STRA8: variants seen among roughly 807,000 people sequenced by gnomAD.
STRA8 encodes the protein stimulated by retinoic acid gene 8 protein homolog.
In STRA8, 18 loss-of-function variants were observed where a neutral mutation model predicts 37.1. The ratio of observed to expected loss-of-function variants is 0.48; its 90% CI spans 0.34 to 0.72. The LOEUF is 0.72. Among genes scored for constraint, STRA8 ranks in the 30% least tolerant of loss-of-function variants. The pLI, the probability that STRA8 is intolerant of heterozygous loss-of-function variation, is 0.01. For synonymous variants in STRA8, 168 were observed against 162.9 expected (o/e 1.03, Z -0.24); for missense variants, 357 against 410.4 (o/e 0.87, Z 1.13).
Position 135,246,566 on chromosome 7 carries a change from C to T in STRA8, c.743C>T (p.Ala248Val). 5 of 1,558,750 alleles carry T rather than the reference C, an allele frequency of 3.2e-6. No homozygotes were observed. The highest frequency in any genetic ancestry group is 4.3e-6 in the Non-Finnish European group (5 of 1,152,466). The change falls in exon 6 of 9, where the codon GCC becomes GTC. Residue 248 changes from alanine (A) to valine (V), a missense_variant. Physicochemically the swap from Ala to Val is moderately conservative, Grantham distance 64. Coordinates refer to ENST00000662584, the MANE Select transcript of STRA8 (RefSeq NM_001394401.1). The surrounding 1 kb of genome is among the most constrained non-coding windows in gnomAD (Gnocchi z 5.4). ...GAGAGGAAGGCCAGCCTCCGGCAGG[C>T]CTGGGCGCAGAAGCACCGCGGCCCT... ...SEERKASLRQ[A>V]WAQKHRGPAT...
chr7:135,251,178 C>G (rs1219775533), intron 6 of STRA8, among the ~76,000 whole-genome samples: 2 of 152,182 alleles, frequency 1.3e-5, no homozygotes, highest in Non-Finnish European at 2.9e-5. Context: ...GGATAATGTT[C>G]AAATGTAACT....
chr7:135,236,356 GC>G (rs1832379140), intron 1 of STRA8, among the ~76,000 whole-genome samples: 1 of 151,954 alleles, frequency 6.6e-6, no homozygotes, highest in Non-Finnish European at 1.5e-5. Context: ...AGGTTGGTTA[GC>G]CTGAAGATGT....
At chr7:135,243,620 T>C (rs1008791607) in intron 4 of STRA8, among the ~76,000 whole-genome samples, 3 of 152,206 alleles carry the variant, frequency 2.0e-5, no homozygotes, top group Non-Finnish European at 4.4e-5. Flanking sequence ...AAAAGATACA[T>C]GCTTATCACA....
rs1585474738 is a variant in STRA8 at position 135,246,304 on chromosome 7, G to A, written c.594-113G>A. The A allele has an allele frequency of 1.4e-6, 2 of 1,396,100 alleles. No homozygotes were observed. The highest frequency in any genetic ancestry group is 2.0e-6 in the Non-Finnish European group (2 of 1,011,456). The allele number at this position is 1,396,100 out of a possible 1,614,324, so 86.5% of individuals were successfully genotyped here. On this transcript the variant is annotated intron_variant, in intron 5 of 8. Transcript: ENST00000662584. This position sits in a 1 kb window ranked among gnomAD's most constrained non-coding sequence, Gnocchi z 5.4. Reference sequence around the variant, plus strand: ...GAGTCTGAGAAGTCTCAGCCCTGGTGAGCCGTGGCGCCGTGGCCGGGCCTG... The same window carrying A: ...GAGTCTGAGAAGTCTCAGCCCTGGTAAGCCGTGGCGCCGTGGCCGGGCCTG...
Position 135,244,959 on chromosome 7 carries a change from C to G in STRA8, c.354-329C>G, listed in dbSNP as rs1371768051. Among the ~76,000 whole-genome samples, 4 of 152,140 alleles carry G rather than the reference C, an allele frequency of 2.6e-5. No homozygotes were observed. The East Asian group carries it at 7.7e-4, about 29-fold the overall frequency. On this transcript the variant is annotated intron_variant, in intron 4 of 8. Coordinates refer to ENST00000662584, the MANE Select transcript of STRA8 (RefSeq NM_001394401.1). ...TAGCGGTAGGTTTTTTGGAGATACC[C>G]TTTATCAGGTTAACAAAGCTCCTTT...
At position 135,239,089 on chromosome 7, in the gene STRA8, G is replaced by A. The variant is rs564833615; in HGVS notation, c.-6-1430G>A. On this transcript the variant is annotated intron_variant, in intron 1 of 8. Transcript: ENST00000662584. ...GAAGTTGTTTTCTGAGCTAAAAAGT[G>A]TTTCAACATCCCACACTGCCTGATT... Among the ~76,000 whole-genome samples, 175 of 152,354 alleles carry A rather than the reference G, an allele frequency of 1.1e-3. 1 individual carries two copies. Among genetic ancestry groups the A allele is most frequent in the African/African-American group, 4.1e-3 (169 of 41,592 alleles).
At chr7:135,244,680 C>A (rs567182190) in intron 4 of STRA8, among the ~76,000 whole-genome samples, 18 of 152,302 alleles carry the variant, frequency 1.2e-4, no homozygotes, top group Admixed American at 2.0e-4. Context: ...TCTTCTGCAA[C>A]CTTGCTAAAT....
intron 6 of STRA8, among the ~76,000 whole-genome samples, chr7:135,248,307 A>G (rs1304181806): frequency 2.0e-5 from 3 of 152,054 alleles, no homozygotes; most frequent in Non-Finnish European, 4.4e-5. Context: ...GTCATCACAC[A>G]TTTTTTCACA....
intron 3 of STRA8, among the ~76,000 whole-genome samples, 169 bp from the exon 4 acceptor site, chr7:135,243,157 A>G (rs1179138257): frequency 2.6e-5 from 4 of 152,044 alleles, no homozygotes; most frequent in Non-Finnish European, 4.4e-5. Context: ...CTGCTTGTCT[A>G]AGGCTCTCCC....
At chr7:135,235,396 C>T (rs1585464780) in intron 1 of STRA8, among the ~76,000 whole-genome samples, 1 of 142,422 alleles carries the variant, frequency 7.0e-6, no homozygotes, top group African/African-American at 2.6e-5. Context: ...TTATGAGTGG[C>T]TTTTTTTTTT....
chr7:135,242,927 C>T, intron 3 of STRA8, 71 bp downstream of exon 3: 1 of 1,508,328 alleles, frequency 6.6e-7, no homozygotes, highest in Non-Finnish European at 9.2e-7. Flanking sequence ...CTATTGAAAA[C>T]AGAAGTTGGG....
At chr7:135,254,303 A>G (rs1832676096) in intron 7 of STRA8, among the ~76,000 whole-genome samples, 2 of 152,124 alleles carry the variant, frequency 1.3e-5, no homozygotes, top group Admixed American at 6.5e-5. Context: ...TTCCCCTAGA[A>G]AAGTCAGGGG....
At chr7:135,250,303 G>A (rs888910089) in intron 6 of STRA8, among the ~76,000 whole-genome samples, 1 of 152,190 alleles carries the variant, frequency 6.6e-6, no homozygotes. Context: ...TGCGACTTTG[G>A]TGGGCTGATT....
intron 4 of STRA8, 27 bp from the exon 5 acceptor site, chr7:135,245,261 T>C (rs909163814): frequency 1.3e-6 from 1 of 780,882 alleles, no homozygotes; most frequent in Non-Finnish European, 2.4e-6. Flanking sequence ...TAATCTATAG[T>C]TGTCTTGTTT....
intron 8 of STRA8, among the ~76,000 whole-genome samples, chr7:135,257,570 G>A (rs543640622): frequency 7.9e-5 from 12 of 151,916 alleles, no homozygotes; most frequent in Non-Finnish European, 1.6e-4. Context: ...GATTACAGGC[G>A]CACACCACCA....
intron 1 of STRA8, among the ~76,000 whole-genome samples, chr7:135,237,012 A>G (rs1355827093): frequency 1.3e-5 from 2 of 152,208 alleles, no homozygotes; most frequent in African/African-American, 4.8e-5. Flanking sequence ...ATTGAGTTAG[A>G]AACCAGTGTG....
chr7:135,247,305 A>C (rs1832575403), intron 6 of STRA8: 1 of 152,280 alleles, frequency 6.6e-6, no homozygotes, highest in Admixed American at 6.5e-5. Flanking sequence ...ACCACGAAGA[A>C]ATGCACTCCT....
intron 1 of STRA8, 103 bp from the exon 2 acceptor site, chr7:135,240,416 G>A (rs1443185159): frequency 8.8e-7 from 1 of 1,140,616 alleles, no homozygotes; most frequent in Non-Finnish European, 1.2e-6. Flanking sequence ...CTTTACTTGG[G>A]AAGGGTACCT....
intron 6 of STRA8, 51 bp from the exon 7 acceptor site, chr7:135,251,745 A>C (rs113701242): frequency 2.5e-6 from 4 of 1,589,092 alleles, no homozygotes; most frequent in African/African-American, 1.3e-5. Flanking sequence ...CAGGGCAAGC[A>C]TGAAATTGTC....
Sources: gnomAD v4.1 joint callset for allele counts (sites outside exome capture counted in the v4.1 genomes callset) on GRCh38, gnomAD v4.1.1 for gene constraint, Gnocchi (gnomAD v3.1) non-coding constraint, MANE v1.5 for transcripts, NCBI Gene and HGNC (gene_info 2026-07-23, HGNC 2026-07-21) for gene names.